GPC5: variants seen among roughly 807,000 people sequenced by gnomAD.
GPC5 encodes the protein glypican 5.
GPC5 carries 47 observed loss-of-function variants against 53.9 expected under a neutral mutation model. That is an observed-to-expected ratio of 0.87 (90% CI 0.69 to 1.11). The LOEUF is 1.11. GPC5 is among the 50% of genes most tolerant of loss of function. The pLI is 0.00. For synonymous variants in GPC5, 286 were observed against 263.3 expected, an observed-to-expected ratio of 1.09 and a Z score of -0.84; for missense variants, 748 against 713.1, an observed-to-expected ratio of 1.05 and a Z score of -0.56.
intron 7 of GPC5, among the ~76,000 whole-genome samples, chr13:92,155,859 G>A (rs946137874): frequency 1.3e-5 from 2 of 152,026 alleles, no homozygotes; most frequent in Non-Finnish European, 2.9e-5. Flanking sequence ...GCTTTGAAGT[G>A]CTATATCTCA....
intron 7 of GPC5, among the ~76,000 whole-genome samples, chr13:92,843,077 T>C (rs1356093763): frequency 6.6e-6 from 1 of 152,192 alleles, no homozygotes; most frequent in Non-Finnish European, 1.5e-5. Context: ...TAAAGACTGT[T>C]AAATTATTTT....
chr13:92,348,383 T>C (rs1185063051), intron 7 of GPC5, among the ~76,000 whole-genome samples: 1 of 152,020 alleles, frequency 6.6e-6, no homozygotes, highest in Non-Finnish European at 1.5e-5. Context: ...GAGGATATAA[T>C]AATAGTAAGT....
At chr13:92,354,051 T>C (rs11839127) in intron 7 of GPC5, among the ~76,000 whole-genome samples, 5,761 of 152,270 alleles carry the variant, frequency 0.038, 386 homozygotes, top group African/African-American at 0.13. Flanking sequence ...ACTTTTTCCA[T>C]GCATTCTATT....
chr13:91,727,876 C>A (rs1288871676), intron 3 of GPC5, among the ~76,000 whole-genome samples: 2 of 151,894 alleles, frequency 1.3e-5, no homozygotes, highest in Admixed American at 6.6e-5. Flanking sequence ...TTAATTTTTT[C>A]AATGATAATT....
At chr13:91,870,099 C>T (rs2039127735) in intron 5 of GPC5, among the ~76,000 whole-genome samples, 1 of 152,154 alleles carries the variant, frequency 6.6e-6, no homozygotes, top group Non-Finnish European at 1.5e-5. Context: ...TTGGTAAAGA[C>T]TATCCATTAA....
At chr13:91,687,484 A>T (rs1269594258) in intron 2 of GPC5, among the ~76,000 whole-genome samples, 1 of 152,016 alleles carries the variant, frequency 6.6e-6, no homozygotes, top group Non-Finnish European at 1.5e-5. Flanking sequence ...ATGCAGATAA[A>T]CTTCATGCAT....
intron 6 of GPC5, among the ~76,000 whole-genome samples, chr13:92,003,841 C>A (rs1178051116): frequency 3.3e-5 from 5 of 152,096 alleles, no homozygotes; most frequent in Non-Finnish European, 5.9e-5. Context: ...CTTCAGAATT[C>A]AGGCAGTACA....
intron 1 of GPC5, among the ~76,000 whole-genome samples, chr13:91,410,204 G>A (rs765435781): frequency 6.6e-6 from 1 of 151,964 alleles, no homozygotes; most frequent in Non-Finnish European, 1.5e-5. Flanking sequence ...TTGGGAAGGC[G>A]GTTTGTAAAC....
At chr13:92,605,003 A>C (rs779948639) in intron 7 of GPC5, among the ~76,000 whole-genome samples, 1 of 152,230 alleles carries the variant, frequency 6.6e-6, no homozygotes, top group African/African-American at 2.4e-5. Context: ...CTGAATGTCA[A>C]CCAGATCCCA....
chr13:91,544,333 CTATT>C (rs1463994138), intron 2 of GPC5, among the ~76,000 whole-genome samples: 7 of 150,470 alleles, frequency 4.7e-5, no homozygotes, highest in Admixed American at 4.6e-4. Context: ...AACTTTCTAA[CTATT>C]CTAATTTTCT....
At chr13:91,847,432 A>G (rs1428712972) in intron 5 of GPC5, among the ~76,000 whole-genome samples, 1 of 152,042 alleles carries the variant, frequency 6.6e-6, no homozygotes, top group East Asian at 1.9e-4. Flanking sequence ...TACATCATAG[A>G]GTTCAACTGA....
intron 7 of GPC5, among the ~76,000 whole-genome samples, chr13:92,849,504 A>G (rs1878721059): frequency 6.6e-6 from 1 of 152,204 alleles, no homozygotes; most frequent in African/African-American, 2.4e-5. Context: ...TAGCTGTTTA[A>G]TATTCTTCAC....
At chr13:92,719,176 C>G (rs895647343) in intron 7 of GPC5, among the ~76,000 whole-genome samples, 2 of 150,564 alleles carry the variant, frequency 1.3e-5, no homozygotes, top group Non-Finnish European at 2.9e-5. Flanking sequence ...AGCCCCCCCC[C>G]ACATAATGAT....
At chr13:92,126,817 A>AGTGT (rs71120073) in intron 6 of GPC5, among the ~76,000 whole-genome samples, 3,310 of 149,986 alleles carry the variant, frequency 0.022, 65 homozygotes, top group Non-Finnish European at 0.031. Context: ...GAAAAGTTGG[A>AGTGT]GTGTGTGTGT....
chr13:92,213,408 C>G (rs1005990229), intron 7 of GPC5, among the ~76,000 whole-genome samples: 1 of 152,078 alleles, frequency 6.6e-6, no homozygotes, highest in African/African-American at 2.4e-5. Flanking sequence ...TGCCTTGTAA[C>G]AGAAAATTTT....
At chr13:91,558,682 G>A (rs1262533360) in intron 2 of GPC5, among the ~76,000 whole-genome samples, 4 of 152,036 alleles carry the variant, frequency 2.6e-5, no homozygotes, top group Non-Finnish European at 5.9e-5. Context: ...GGCAATGCTT[G>A]AGGACAATTT....
intron 7 of GPC5, among the ~76,000 whole-genome samples, chr13:92,632,286 A>G (rs1885264502): frequency 6.6e-6 from 1 of 152,080 alleles, no homozygotes. Context: ...TTGAAGACAG[A>G]AATTTCATAA....
intron 7 of GPC5, among the ~76,000 whole-genome samples, chr13:92,349,917 C>T (rs529373134): frequency 2.6e-5 from 4 of 152,218 alleles, no homozygotes; most frequent in Admixed American, 2.6e-4. Context: ...CAAAGTCAGA[C>T]AAGGACATTA....
At chr13:92,528,248 T>C (rs1881434712) in intron 7 of GPC5, among the ~76,000 whole-genome samples, 1 of 152,142 alleles carries the variant, frequency 6.6e-6, no homozygotes, top group Non-Finnish European at 1.5e-5. Context: ...TCTGATTGTC[T>C]TAATTTTCCA....
Sources: allele counts gnomAD v4.1 joint callset (sites outside exome capture counted in the v4.1 genomes callset), GRCh38; gene constraint gnomAD v4.1.1; transcripts MANE v1.5; gene names NCBI Gene and HGNC (gene_info 2026-07-23, HGNC 2026-07-21).